PTCHD4: variants seen among roughly 807,000 people sequenced by gnomAD.
PTCHD4 encodes the protein patched domain containing 4, also known as patched domain-containing protein 4.
PTCHD4 carries 33 observed loss-of-function variants against 58.1 expected under a neutral mutation model. The observed-to-expected ratio is 0.57, with a 90% CI of 0.43 to 0.76. The LOEUF (loss-of-function observed/expected upper bound fraction) is 0.76, where lower values mean the gene tolerates loss of function less well. PTCHD4 is among the 30% of genes least tolerant of loss of function. The pLI, the probability that PTCHD4 is intolerant of heterozygous loss-of-function variation, is 0.00. For missense variants in PTCHD4, 1,058 were observed against 1,027.1 expected, an observed-to-expected ratio of 1.03 and a Z score of -0.41; for synonymous variants, 478 against 409.6, an observed-to-expected ratio of 1.17 and a Z score of -2.02.
At chr6:48,053,300 G>T (rs1368788173) in intron 3 of PTCHD4, among the ~76,000 whole-genome samples, 1 of 152,076 alleles carries the variant, frequency 6.6e-6, no homozygotes, top group Non-Finnish European at 1.5e-5. Flanking sequence ...TATTCAAAAC[G>T]TGACAGCTAA....
At chr6:48,072,153 T>C (rs1418643262) in intron 1 of PTCHD4, among the ~76,000 whole-genome samples, 1 of 152,096 alleles carries the variant, frequency 6.6e-6, no homozygotes, top group Non-Finnish European at 1.5e-5. Context: ...ACTTAAGGAG[T>C]GGAGAGTTAG....
At chr6:47,901,855 G>T in intron 4 of PTCHD4, 4 of 1,301,134 alleles carry the variant, frequency 3.1e-6, no homozygotes, top group Non-Finnish European at 4.0e-6. Context: ...CTCCTCTCCA[G>T]TTTTTTCTCT....
At chr6:48,021,613 T>TG (rs1763074221) in intron 3 of PTCHD4, among the ~76,000 whole-genome samples, 1 of 86,002 alleles carries the variant, frequency 1.2e-5, no homozygotes. Flanking sequence ...AGCTAGCTTA[T>TG]TTTTTTTTTC....
chr6:47,986,051 G>A (rs1313542784), intron 4 of PTCHD4, among the ~76,000 whole-genome samples: 1 of 152,044 alleles, frequency 6.6e-6, no homozygotes. Flanking sequence ...TAAGAAGTAT[G>A]TCTGAGGTTT....
chr6:48,109,697 C>T (rs1765823249), intron 1 of PTCHD4, among the ~76,000 whole-genome samples: 1 of 151,978 alleles, frequency 6.6e-6, no homozygotes, highest in African/African-American at 2.4e-5. Flanking sequence ...GAAACTCATG[C>T]TACTCAACAT....
intron 3 of PTCHD4, among the ~76,000 whole-genome samples, chr6:48,044,927 A>G (rs1264426952): frequency 6.6e-6 from 1 of 151,834 alleles, no homozygotes; most frequent in African/African-American, 2.4e-5. Context: ...TGCAAGCCGA[A>G]TTTATATCTT....
intron 4 of PTCHD4, among the ~76,000 whole-genome samples, chr6:47,965,765 A>G (rs1260765189): frequency 6.6e-6 from 1 of 152,112 alleles, no homozygotes; most frequent in Non-Finnish European, 1.5e-5. Flanking sequence ...CGTCTCTACT[A>G]AAACTACAAA....
At chr6:47,962,210 T>G (rs1767125530) in intron 4 of PTCHD4, among the ~76,000 whole-genome samples, 2 of 152,144 alleles carry the variant, frequency 1.3e-5, no homozygotes, top group Non-Finnish European at 1.5e-5. Context: ...AAAATTCCAG[T>G]GATTTAACAA....
chr6:48,100,839 G>A (rs116508698), intron 1 of PTCHD4, among the ~76,000 whole-genome samples: 5 of 152,204 alleles, frequency 3.3e-5, no homozygotes, highest in East Asian at 3.9e-4. Context: ...ACTTGGGATA[G>A]AGAATCCTGA....
intron 1 of PTCHD4, among the ~76,000 whole-genome samples, chr6:48,095,126 T>C: frequency 6.6e-6 from 1 of 152,226 alleles, no homozygotes; most frequent in East Asian, 1.9e-4. Flanking sequence ...GGTATATATG[T>C]GTCAAAACTT....
intron 3 of PTCHD4, among the ~76,000 whole-genome samples, chr6:48,049,334 ATG>A (rs1262009237): frequency 8.6e-4 from 3 of 3,474 alleles, no homozygotes; most frequent in African/African-American, 1.6e-3. Context: ...GAACTTACAC[ATG>A]TTTCGAGTTC....
At chr6:47,954,505 A>T (rs2113954071) in intron 4 of PTCHD4, among the ~76,000 whole-genome samples, 1 of 152,352 alleles carries the variant, frequency 6.6e-6, no homozygotes, top group South Asian at 2.1e-4. Flanking sequence ...AAGGACTAAG[A>T]TACAAATCCT....
chr6:48,090,603 G>A (rs1765346137), intron 1 of PTCHD4, among the ~76,000 whole-genome samples: 1 of 152,096 alleles, frequency 6.6e-6, no homozygotes. Context: ...CTCAGAAGGG[G>A]TAAAATAACT....
chr6:47,931,791 T>C (rs138169846), intron 4 of PTCHD4, among the ~76,000 whole-genome samples: 1 of 152,272 alleles, frequency 6.6e-6, no homozygotes, highest in African/African-American at 2.4e-5. Flanking sequence ...GGGGTAATGA[T>C]TATGCTCATC....
intron 4 of PTCHD4, among the ~76,000 whole-genome samples, chr6:47,912,699 G>C (rs1765108077): frequency 6.6e-6 from 1 of 152,042 alleles, no homozygotes; most frequent in Admixed American, 6.6e-5. Context: ...ATAGTAGGGA[G>C]ATAATTTGAG....
Position 47,872,378 on chromosome 6 carries a change from C to A in PTCHD4, c.*5925G>T, listed in dbSNP as rs1763739553. ...CCTTGTGGGCAATGTGCTTACTCTA[C>A]AAACTGTGGCAACAGAGGGAAAGAA... is the stretch of plus-strand genomic sequence containing the variant. On this transcript the variant is annotated 3_prime_UTR_variant, in exon 5 of 5. Transcript: ENST00000339488. 6.6e-6 allele frequency among the ~76,000 whole-genome samples: 1 copy of A among 151,606 alleles called. No individual in the cohort carries two copies. Among genetic ancestry groups the A allele is most frequent in the East Asian group, 1.9e-4 (1 of 5,140 alleles).
At chr6:47,982,520 G>A (rs1182096244) in intron 4 of PTCHD4, among the ~76,000 whole-genome samples, 5 of 131,120 alleles carry the variant, frequency 3.8e-5, no homozygotes, top group Admixed American at 2.8e-4. Context: ...ATGGAGTCTC[G>A]CTCAGTCGCC....
chr6:47,963,853 T>C (rs1352506738), intron 4 of PTCHD4, among the ~76,000 whole-genome samples: 1 of 152,244 alleles, frequency 6.6e-6, no homozygotes, highest in Non-Finnish European at 1.5e-5. Context: ...ACTGCTGTAG[T>C]AGGGTATCTT....
At chr6:47,978,724 AAGT>A (rs1767780906) in intron 4 of PTCHD4, among the ~76,000 whole-genome samples, 1 of 152,120 alleles carries the variant, frequency 6.6e-6, no homozygotes, top group Non-Finnish European at 1.5e-5. Context: ...AGGTCAATAA[AAGT>A]TAAGTAACTT....
Sources: allele counts gnomAD v4.1 joint callset (sites outside exome capture counted in the v4.1 genomes callset), GRCh38; gene constraint gnomAD v4.1.1; transcripts MANE v1.5; gene names NCBI Gene and HGNC (gene_info 2026-07-23, HGNC 2026-07-21).